PKN2: variants seen among roughly 807,000 people sequenced by gnomAD.
PKN2 encodes the protein serine/threonine-protein kinase N2.
Under a neutral mutation model 119.1 loss-of-function variants are expected in PKN2, and 38 were observed. The ratio of observed to expected loss-of-function variants is 0.32; its 90% CI spans 0.25 to 0.42. The LOEUF is 0.42. PKN2 is among the 10% of genes least tolerant of loss of function. The pLI is 1.00. For synonymous variants in PKN2, 390 were observed against 384.9 expected, an observed-to-expected ratio of 1.01 and a Z score of -0.15; for missense variants, 850 against 1,165.1, an observed-to-expected ratio of 0.73 and a Z score of 3.94.
At chr1:88,804,256 TA>T in intron 8 of PKN2, 134 bp from the exon 9 acceptor site, 1 of 660,552 alleles carries the variant, frequency 1.5e-6, no homozygotes, top group Admixed American at 3.0e-5. Context: ...CAAACCTCTT[TA>T]AAACAGTGTG....
chr1:88,775,693 T>C (rs1269183575), intron 6 of PKN2, among the ~76,000 whole-genome samples: 1 of 152,232 alleles, frequency 6.6e-6, no homozygotes, highest in Non-Finnish European at 1.5e-5. Context: ...CCTTGTTATA[T>C]TGTCACAAAC....
At chr1:88,788,318 A>G (rs1670666905) in intron 8 of PKN2, among the ~76,000 whole-genome samples, 1 of 152,248 alleles carries the variant, frequency 6.6e-6, no homozygotes, top group African/African-American at 2.4e-5. Flanking sequence ...TATGTAAAAT[A>G]TCATTTGGAT....
intron 17 of PKN2, among the ~76,000 whole-genome samples, chr1:88,822,722 G>A (rs961604351): frequency 1.3e-5 from 2 of 151,814 alleles, no homozygotes; most frequent in African/African-American, 4.8e-5. Flanking sequence ...GGAATTACAG[G>A]TGCCCGCCAC....
In PKN2 at chr1:88,805,639, T is replaced by G. The variant is rs376747132; in HGVS notation, c.1644T>G (p.Asp548Glu). Residue 548 changes from aspartate to glutamate, a missense_variant, in exon 11 of 22, where the codon GAT becomes GAG. By Grantham distance (45) the Asp-to-Glu change is conservative. Coordinates refer to ENST00000370521, the MANE Select transcript of PKN2 (RefSeq NM_006256.4). Reference protein sequence around the residue: ...APVPTTVPVVDVRIPQLAPPA... With the variant: ...APVPTTVPVVEVRIPQLAPPA... ...TGCCTACTACAGTGCCAGTGGTTGATGTACGCATCCCTCAACTAGCACCTC... is the reference window on the plus strand; with the variant it reads ...TGCCTACTACAGTGCCAGTGGTTGAGGTACGCATCCCTCAACTAGCACCTC... The G allele has an allele frequency of 6.8e-6, 11 of 1,614,142 alleles. No individual in the cohort carries two copies. In the South Asian group the frequency reaches 1.2e-4, roughly 18 times the overall value.
chr1:88,688,296 A>G (rs1287488594), intron 1 of PKN2, among the ~76,000 whole-genome samples: 4 of 152,148 alleles, frequency 2.6e-5, no homozygotes, highest in African/African-American at 9.7e-5. Flanking sequence ...TATGTTGGCC[A>G]GGCTGGTCTT....
At chr1:88,748,355 T>C (rs1557585168) in intron 2 of PKN2, among the ~76,000 whole-genome samples, 1 of 152,136 alleles carries the variant, frequency 6.6e-6, no homozygotes, top group Non-Finnish European at 1.5e-5. Flanking sequence ...AGTATATAAG[T>C]TTTTGAGAAT....
At chr1:88,783,501 G>A (rs1670439168) in intron 6 of PKN2, among the ~76,000 whole-genome samples, 1 of 152,028 alleles carries the variant, frequency 6.6e-6, no homozygotes, top group South Asian at 2.1e-4. Flanking sequence ...TTTGAATTGG[G>A]AAGCTTTGTT....
intron 1 of PKN2, among the ~76,000 whole-genome samples, chr1:88,709,924 G>A (rs1242534658): frequency 6.6e-6 from 1 of 152,162 alleles, no homozygotes; most frequent in East Asian, 1.9e-4. Flanking sequence ...CATCTGATTG[G>A]ATGTGGAGGG....
chr1:88,790,117 A>T (rs1307566888), intron 8 of PKN2, among the ~76,000 whole-genome samples: 1 of 152,176 alleles, frequency 6.6e-6, no homozygotes, highest in Non-Finnish European at 1.5e-5. Flanking sequence ...CTGGGGCCTT[A>T]CATCTTTCTG....
At chr1:88,790,470 C>T (rs1244755093) in intron 8 of PKN2, among the ~76,000 whole-genome samples, 2 of 152,126 alleles carry the variant, frequency 1.3e-5, no homozygotes, top group Non-Finnish European at 2.9e-5. Context: ...TTGGAAATTA[C>T]TTTCATTAAT....
At chr1:88,727,462 C>T (rs754567738) in intron 1 of PKN2, among the ~76,000 whole-genome samples, 5 of 152,170 alleles carry the variant, frequency 3.3e-5, no homozygotes, top group Non-Finnish European at 7.4e-5. Flanking sequence ...GGAGCCACTG[C>T]ACCCGGCCCA....
chr1:88,716,362 C>T (rs1464957889), intron 1 of PKN2, among the ~76,000 whole-genome samples: 1 of 152,126 alleles, frequency 6.6e-6, no homozygotes, highest in African/African-American at 2.4e-5. Flanking sequence ...AACTTTCTGT[C>T]TCGTTGATCT....
rs536212157 is a variant in PKN2, at chr1:88,792,412, A to G, written c.1281+6199A>G. ...AGTGAGACTCCGTCTCAAAAAATAA[A>G]TAAATAAATAAATAAATAACATGTC... is the stretch of plus-strand genomic sequence containing the variant. On this transcript the variant is annotated intron_variant, in intron 8 of 21. Coordinates refer to ENST00000370521, the MANE Select transcript of PKN2 (RefSeq NM_006256.4). 3.9e-5 allele frequency among the ~76,000 whole-genome samples: 6 copies of G among 152,240 alleles called. No homozygotes were observed. In the South Asian group the frequency reaches 1.2e-3, roughly 32 times the overall value.
At chr1:88,788,169 T>C (rs1670660119) in intron 8 of PKN2, among the ~76,000 whole-genome samples, 1 of 152,168 alleles carries the variant, frequency 6.6e-6, no homozygotes, top group Non-Finnish European at 1.5e-5. Context: ...CATGGTTCTT[T>C]TTAGAGTTGT....
intron 1 of PKN2, among the ~76,000 whole-genome samples, chr1:88,688,823 G>A (rs1175778451): frequency 6.6e-6 from 1 of 152,192 alleles, no homozygotes; most frequent in African/African-American, 2.4e-5. Flanking sequence ...TGATGAGAAT[G>A]CTCCATTTGT....
At chr1:88,794,897 A>G (rs1418737649) in intron 8 of PKN2, among the ~76,000 whole-genome samples, 1 of 152,054 alleles carries the variant, frequency 6.6e-6, no homozygotes, top group East Asian at 1.9e-4. Context: ...TGCTGTGGAA[A>G]CTCCCAATAG....
At chr1:88,692,659 G>A (rs1329580691) in intron 1 of PKN2, among the ~76,000 whole-genome samples, 1 of 152,046 alleles carries the variant, frequency 6.6e-6, no homozygotes, top group Non-Finnish European at 1.5e-5. Context: ...TTTTTACGTG[G>A]CTTCTTCAGT....
chr1:88,820,434 G>A (rs1672230354), intron 16 of PKN2, among the ~76,000 whole-genome samples: 1 of 150,584 alleles, frequency 6.6e-6, no homozygotes, highest in African/African-American at 2.4e-5. Context: ...TCAGGAGGCT[G>A]AGGCAAGAAA....
intron 16 of PKN2, among the ~76,000 whole-genome samples, chr1:88,816,298 G>A (rs962932202): frequency 1.3e-5 from 2 of 152,114 alleles, no homozygotes; most frequent in African/African-American, 4.8e-5. Context: ...CCAGGCTGGA[G>A]TGCAGTGGCA....
Sources: allele counts gnomAD v4.1 joint callset (sites outside exome capture counted in the v4.1 genomes callset), GRCh38; gene constraint gnomAD v4.1.1; transcripts MANE v1.5; gene names NCBI Gene and HGNC (gene_info 2026-07-23, HGNC 2026-07-21).